NTNG1: variants seen among roughly 807,000 people sequenced by gnomAD.
NTNG1 encodes netrin-G1.
A neutral mutation model predicts 54.0 loss-of-function variants in NTNG1; 16 were observed. The ratio of observed to expected loss-of-function variants is 0.30; its 90% CI spans 0.20 to 0.45. NTNG1 has a LOEUF of 0.45. Ranked by LOEUF, NTNG1 falls within the 20% of genes least tolerant of loss-of-function variation. The pLI is 1.00. For missense variants in NTNG1, 530 were observed against 678.7 expected (o/e 0.78, Z 2.43); for synonymous variants, 255 against 263.1 (o/e 0.97, Z 0.30).
At chr1:107,292,286 G>C (rs9804080) in intron 2 of NTNG1, among the ~76,000 whole-genome samples, 50,132 of 152,010 alleles carry the variant, frequency 0.33, 8,921 homozygotes, top group East Asian at 0.47. Context: ...ATTCGACTGA[G>C]GGGCATAAGG....
At chr1:107,247,654 T>C (rs1557841710) in intron 2 of NTNG1, among the ~76,000 whole-genome samples, 1 of 152,192 alleles carries the variant, frequency 6.6e-6, no homozygotes, top group African/African-American at 2.4e-5. Flanking sequence ...CTTTGTCGGG[T>C]TCCTGAATGT....
chr1:107,245,210 G>A (rs372553408), intron 2 of NTNG1, among the ~76,000 whole-genome samples: 1 of 152,310 alleles, frequency 6.6e-6, no homozygotes. Context: ...AATCTGAATA[G>A]ATGACTAAAA....
chr1:107,479,238 C>G (rs923222632), intron 7 of NTNG1, among the ~76,000 whole-genome samples: 2 of 152,220 alleles, frequency 1.3e-5, no homozygotes, highest in African/African-American at 4.8e-5. Flanking sequence ...CCACCACCAT[C>G]TTTCCTAAGC....
At chr1:107,394,458 AT>A (rs1049980205) in intron 3 of NTNG1, among the ~76,000 whole-genome samples, 2 of 151,852 alleles carry the variant, frequency 1.3e-5, no homozygotes, top group Non-Finnish European at 2.9e-5. Context: ...GATTCTAGGC[AT>A]TTTTAATTAG....
chr1:107,474,046 C>T (rs759819308), intron 7 of NTNG1, among the ~76,000 whole-genome samples: 1 of 152,162 alleles, frequency 6.6e-6, no homozygotes, highest in African/African-American at 2.4e-5. Flanking sequence ...CTTTAGAATA[C>T]AGTCAAGCTA....
chr1:107,357,137 C>T (rs916089399), intron 3 of NTNG1, among the ~76,000 whole-genome samples: 1 of 152,188 alleles, frequency 6.6e-6, no homozygotes, highest in Non-Finnish European at 1.5e-5. Context: ...CTAGGCCCCA[C>T]CCCAGTCAGA....
chr1:107,458,006 A>G (rs535612541), intron 7 of NTNG1, among the ~76,000 whole-genome samples: 2 of 152,296 alleles, frequency 1.3e-5, no homozygotes, highest in South Asian at 4.1e-4. Context: ...GCTGTTTCCC[A>G]TTAAAAGTTG....
chr1:107,255,156 A>C (rs1170418446), intron 2 of NTNG1, among the ~76,000 whole-genome samples: 1 of 152,246 alleles, frequency 6.6e-6, no homozygotes, highest in Non-Finnish European at 1.5e-5. Flanking sequence ...AATAATTAAA[A>C]TAAAAGTTGC....
intron 5 of NTNG1, among the ~76,000 whole-genome samples, chr1:107,413,744 G>A (rs771848109): frequency 1.3e-5 from 2 of 152,048 alleles, no homozygotes; most frequent in African/African-American, 2.4e-5. Context: ...ATCATTTTCC[G>A]ACCAGGCAGC....
intron 3 of NTNG1, among the ~76,000 whole-genome samples, chr1:107,389,185 A>G (rs1257093611): frequency 6.6e-6 from 1 of 152,252 alleles, no homozygotes. Flanking sequence ...AGGGCCCCGA[A>G]GCTAAACTTC....
In NTNG1 at chr1:107,430,907, T is replaced by A. The variant is rs778023771; in HGVS notation, c.1245T>A (p.Asn415Lys). The change falls in exon 6 of 8, where the codon AAT becomes AAA. Residue 415 changes from asparagine to lysine, a missense_variant. Transcript: ENST00000370068. ...CTTCTGCACAACTGGACGATGAGAA[T>A]GTGTGCATAGGTCAGTTCCATTACA... The part of the protein sequence containing the change: ...RNASAQLDDE[N>K]VCIECYCNPL... 1 of 1,612,988 alleles carries A rather than the reference T, an allele frequency of 6.2e-7. No individual in the cohort carries two copies. Among genetic ancestry groups the A allele is most frequent in the Non-Finnish European group, 8.5e-7 (1 of 1,179,356 alleles).
intron 4 of NTNG1, among the ~76,000 whole-genome samples, chr1:107,397,309 GT>G (rs1334062613): frequency 4.6e-5 from 7 of 152,182 alleles, no homozygotes; most frequent in Non-Finnish European, 1.0e-4. Context: ...TAGATGAAGG[GT>G]TTTAGAAACT....
Position 107,483,721 on chromosome 1 carries a change from G to A in NTNG1, c.*2881G>A, listed in dbSNP as rs1678867886. Among the ~76,000 whole-genome samples, 1 of 152,124 alleles carries A rather than the reference G, an allele frequency of 6.6e-6. No homozygotes were observed. Among genetic ancestry groups the A allele is most frequent in the Non-Finnish European group, 1.5e-5 (1 of 68,028 alleles). On this transcript the variant is annotated 3_prime_UTR_variant, in exon 8 of 8. Coordinates refer to ENST00000370068, the MANE Select transcript of NTNG1 (RefSeq NM_001113226.3). ...GATAAATCCCTTAAAGTGGCTTAAT[G>A]TAGTCTTGCATATGAGTTAATCTAT...
At chr1:107,246,486 A>G (rs1238980171) in intron 2 of NTNG1, among the ~76,000 whole-genome samples, 1 of 151,946 alleles carries the variant, frequency 6.6e-6, no homozygotes, top group Non-Finnish European at 1.5e-5. Context: ...TTATAAATAT[A>G]TTAATCCCTG....
At chr1:107,181,832 T>A (rs759346377) in intron 2 of NTNG1, among the ~76,000 whole-genome samples, 9 of 152,136 alleles carry the variant, frequency 5.9e-5, no homozygotes, top group Non-Finnish European at 1.2e-4. Flanking sequence ...CTGAGAGAAT[T>A]CCTGCAGACT....
chr1:107,461,660 A>T (rs1369581430), intron 7 of NTNG1, among the ~76,000 whole-genome samples: 1 of 151,012 alleles, frequency 6.6e-6, no homozygotes, highest in Non-Finnish European at 1.5e-5. Flanking sequence ...CAGCCTCCTG[A>T]GTAGCTGGAA....
At chr1:107,154,857 G>A (rs894244018) in intron 2 of NTNG1, among the ~76,000 whole-genome samples, 1 of 151,964 alleles carries the variant, frequency 6.6e-6, no homozygotes. Flanking sequence ...TAAAACAAAT[G>A]TGGCTTATCT....
intron 3 of NTNG1, among the ~76,000 whole-genome samples, chr1:107,370,335 C>T (rs1191040918): frequency 6.7e-6 from 1 of 150,176 alleles, no homozygotes; most frequent in African/African-American, 2.4e-5. Flanking sequence ...GGAGAATTGT[C>T]ATTTTTTTTT....
intron 2 of NTNG1, among the ~76,000 whole-genome samples, chr1:107,280,237 G>A (rs1404167502): frequency 1.8e-5 from 2 of 109,202 alleles, no homozygotes; most frequent in African/African-American, 3.6e-5. Flanking sequence ...TTCTTTAGCT[G>A]TGGAAATTTT....
Sources: gnomAD v4.1 joint callset for allele counts (sites outside exome capture counted in the v4.1 genomes callset) on GRCh38, gnomAD v4.1.1 for gene constraint, MANE v1.5 for transcripts, NCBI Gene and HGNC (gene_info 2026-07-23, HGNC 2026-07-21) for gene names.